NREP: variants seen among roughly 807,000 people sequenced by gnomAD.
The protein encoded by NREP is neuronal regeneration-related protein.
In NREP, 5 loss-of-function variants were observed where a neutral mutation model predicts 8.6. That is an observed-to-expected ratio of 0.58 (90% CI 0.30 to 1.22). The LOEUF is 1.22. Ranked by LOEUF, NREP falls within the 50% of genes most tolerant of loss-of-function variation. The probability of loss-of-function intolerance (pLI) is 0.07; values close to 1 mark genes in which losing one functional copy is unlikely to be tolerated. For missense variants in NREP, 86 were observed against 82.5 expected, an observed-to-expected ratio of 1.04 and a Z score of -0.17; for synonymous variants, 27 against 28.0, an observed-to-expected ratio of 0.96 and a Z score of 0.11.
At chr5:111,783,678 T>C (rs1751545933) in intron 2 of NREP, among the ~76,000 whole-genome samples, 1 of 152,242 alleles carries the variant, frequency 6.6e-6, no homozygotes, top group Admixed American at 6.5e-5. Flanking sequence ...ATGAATTTTG[T>C]CAGGCATACA....
At chr5:111,781,989 A>G (rs1581113538) in intron 2 of NREP, among the ~76,000 whole-genome samples, 1 of 152,192 alleles carries the variant, frequency 6.6e-6, no homozygotes, top group Admixed American at 6.5e-5. Context: ...TTGTAAAATG[A>G]GGCTAATTAT....
At chr5:111,851,575 G>C (rs1753310916) in intron 2 of NREP, among the ~76,000 whole-genome samples, 1 of 152,110 alleles carries the variant, frequency 6.6e-6, no homozygotes, top group East Asian at 1.9e-4. Context: ...TGGCTTTTGT[G>C]ACTATTACTG....
At chr5:111,757,956 G>A (rs1241323858), upstream of NREP, 2 of 985,592 alleles carry the variant, frequency 2.0e-6, no homozygotes, top group Non-Finnish European at 2.4e-6. Context: ...TGCAGCAGAG[G>A]GCATCTGAGG....
rs6881837 is a variant in NREP at position 111,941,787 on chromosome 5, G to A, written c.135+33487C>T. Among the ~76,000 whole-genome samples, 3 of 151,906 alleles carry A rather than the reference G, an allele frequency of 2.0e-5. No homozygotes were observed. In the East Asian group the frequency reaches 5.8e-4, roughly 30 times the overall value. On this transcript the variant is annotated intron_variant, in intron 2 of 3. Transcript: ENST00000395634. Reference sequence around the variant, plus strand: ...TGCCATATCTGTTTTAAAACCAATTGAGAGGCTGACCTAACATAATCCCAC... The same window carrying A: ...TGCCATATCTGTTTTAAAACCAATTAAGAGGCTGACCTAACATAATCCCAC...
intron 2 of NREP, among the ~76,000 whole-genome samples, chr5:111,946,413 C>A (rs1755984960): frequency 1.3e-5 from 2 of 151,922 alleles, no homozygotes; most frequent in Admixed American, 6.6e-5. Context: ...CATTTTAAAG[C>A]CTTTCATGTT....
At chr5:111,943,072 T>C (rs190831638) in intron 2 of NREP, among the ~76,000 whole-genome samples, 1 of 152,128 alleles carries the variant, frequency 6.6e-6, no homozygotes, top group Admixed American at 6.5e-5. Flanking sequence ...CTGTCTCCTG[T>C]AGTCCTCTTT....
chr5:111,861,128 T>C (rs1417868471), intron 2 of NREP, among the ~76,000 whole-genome samples: 1 of 152,116 alleles, frequency 6.6e-6, no homozygotes, highest in Non-Finnish European at 1.5e-5. Context: ...GCTCTGAAAG[T>C]AGGAAGTACC....
chr5:111,909,318 A>T (rs1210348413), intron 2 of NREP, among the ~76,000 whole-genome samples: 1 of 152,102 alleles, frequency 6.6e-6, no homozygotes, highest in Non-Finnish European at 1.5e-5. Context: ...CTTAGAGCTT[A>T]GCATCTTCCC....
chr5:111,798,973 T>A (rs1010700137), intron 2 of NREP, among the ~76,000 whole-genome samples: 2 of 152,258 alleles, frequency 1.3e-5, no homozygotes, highest in Non-Finnish European at 2.9e-5. Context: ...ACGGTAGATC[T>A]ACTTTTAGTT....
intron 2 of NREP, among the ~76,000 whole-genome samples, chr5:111,973,224 A>G (rs1756869841): frequency 6.6e-6 from 1 of 151,364 alleles, no homozygotes. Context: ...TGAAATCTTA[A>G]TTTATAATTT....
intron 2 of NREP, among the ~76,000 whole-genome samples, chr5:111,947,649 T>C (rs1424849853): frequency 6.6e-6 from 1 of 152,002 alleles, no homozygotes; most frequent in Non-Finnish European, 1.5e-5. Flanking sequence ...ATCCACGTGG[T>C]ATCTATAGAG....
At chr5:111,886,324 A>C (rs539512575) in intron 2 of NREP, among the ~76,000 whole-genome samples, 1,679 of 152,158 alleles carry the variant, frequency 0.011, 16 homozygotes, top group South Asian at 0.036. Flanking sequence ...AGGAAACAAC[A>C]GGTGCTGGAG....
At chr5:111,962,096 G>T (rs1020212719) in intron 2 of NREP, among the ~76,000 whole-genome samples, 1 of 152,170 alleles carries the variant, frequency 6.6e-6, no homozygotes, top group Non-Finnish European at 1.5e-5. Flanking sequence ...CCAAGCTCAG[G>T]TTGCCTAAAT....
At chr5:111,847,147 T>C (rs1273173166) in intron 2 of NREP, among the ~76,000 whole-genome samples, 7 of 152,014 alleles carry the variant, frequency 4.6e-5, no homozygotes, top group Non-Finnish European at 1.0e-4. Flanking sequence ...TTGGTTTGGA[T>C]TGCTATTACA....
chr5:111,910,582 A>T (rs1189684224), intron 2 of NREP, among the ~76,000 whole-genome samples: 4 of 152,074 alleles, frequency 2.6e-5, no homozygotes, highest in African/African-American at 9.7e-5. Context: ...AAAAAGTCTG[A>T]AAGGTGCTAA....
intron 2 of NREP, among the ~76,000 whole-genome samples, chr5:111,874,410 C>G (rs1163302729): frequency 6.6e-6 from 1 of 152,148 alleles, no homozygotes; most frequent in Non-Finnish European, 1.5e-5. Context: ...GACTTTTTCT[C>G]TCTCCAGTAA....
Position 111,976,797 on chromosome 5 carries a change from T to C in NREP, c.-58A>G, listed in dbSNP as rs1033969580. 11 of 1,451,388 alleles carry C rather than the reference T, an allele frequency of 7.6e-6. No homozygotes were observed. The African/African-American group carries it at 1.3e-4, about 17-fold the overall frequency. 89.9% of individuals were successfully genotyped at this position (1,451,388 alleles called of 1,614,324 possible). A position where few individuals can be genotyped will look rare whatever the true frequency, so the allele number is the denominator to read the frequency against. ...AGTCTTTAAAGGACAAAGAAGCTTC[T>C]TGCCGGGAGTTGGCCAGACAGCTCA... is the stretch of plus-strand genomic sequence containing the variant. On this transcript the variant is annotated 5_prime_UTR_variant, in exon 1 of 4. Coordinates refer to the NREP transcript ENST00000395634.
chr5:111,974,208 C>T (rs934792122), intron 2 of NREP, among the ~76,000 whole-genome samples: 2 of 152,164 alleles, frequency 1.3e-5, no homozygotes, highest in African/African-American at 4.8e-5. Flanking sequence ...TGGTCAAGCA[C>T]TTTAACAGCT....
intron 2 of NREP, among the ~76,000 whole-genome samples, chr5:111,902,691 T>C (rs367814506): frequency 6.6e-6 from 1 of 152,144 alleles, no homozygotes; most frequent in African/African-American, 2.4e-5. Context: ...TTGAGAAAGT[T>C]AGCCAAAGCT....
Sources: gnomAD v4.1 joint callset for allele counts (sites outside exome capture counted in the v4.1 genomes callset) on GRCh38, gnomAD v4.1.1 for gene constraint, MANE v1.5 for transcripts, NCBI Gene and HGNC (gene_info 2026-07-23, HGNC 2026-07-21) for gene names.